Variants in RBMS3 observed in about 807,000 individuals in gnomAD.
The protein encoded by RBMS3 is RNA binding motif single stranded interacting protein 3.
In RBMS3, 27 loss-of-function variants were observed where a neutral mutation model predicts 66.8. That is an observed-to-expected ratio of 0.40 (90% CI 0.30 to 0.56). The LOEUF (loss-of-function observed/expected upper bound fraction) is 0.56, where lower values mean the gene tolerates loss of function less well. RBMS3 is among the 20% of genes least tolerant of loss of function. RBMS3 has a pLI of 0.40. For missense variants in RBMS3, 513 were observed against 549.5 expected, an observed-to-expected ratio of 0.93 and a Z score of 0.66; for synonymous variants, 188 against 183.0, an observed-to-expected ratio of 1.03 and a Z score of -0.22.
intron 6 of RBMS3, among the ~76,000 whole-genome samples, chr3:29,846,909 CT>C (rs1181409238): frequency 3.3e-5 from 5 of 152,026 alleles, no homozygotes; most frequent in African/African-American, 1.2e-4. Context: ...TTTTCTTCCC[CT>C]AATGAAATAA....
chr3:29,823,200 A>G (rs1012584690), intron 6 of RBMS3, among the ~76,000 whole-genome samples: 4 of 151,988 alleles, frequency 2.6e-5, no homozygotes, highest in African/African-American at 7.2e-5. Context: ...TATACCCCCC[A>G]CCCAATGACC....
chr3:29,360,686 C>A (rs2037527613), intron 1 of RBMS3, among the ~76,000 whole-genome samples: 1 of 151,934 alleles, frequency 6.6e-6, no homozygotes, highest in South Asian at 2.1e-4. Context: ...GAGTCTAAGT[C>A]TCTTTGTTGG....
chr3:29,492,374 A>G (rs182959612), intron 3 of RBMS3, among the ~76,000 whole-genome samples: 25 of 152,280 alleles, frequency 1.6e-4, no homozygotes, highest in Non-Finnish European at 1.5e-5. Flanking sequence ...ATAATTGTTC[A>G]TGATGACCAA....
intron 6 of RBMS3, among the ~76,000 whole-genome samples, chr3:29,843,086 T>A (rs1275630014): frequency 6.6e-6 from 1 of 152,222 alleles, no homozygotes; most frequent in Non-Finnish European, 1.5e-5. Flanking sequence ...GCCTCCAGAA[T>A]CAAGCATCTA....
At chr3:29,407,203 A>C (rs959788706) in intron 1 of RBMS3, among the ~76,000 whole-genome samples, 9 of 152,186 alleles carry the variant, frequency 5.9e-5, no homozygotes, top group African/African-American at 2.2e-4. Context: ...GGACTGTTCT[A>C]AAGTGGTTTA....
At chr3:29,995,134 C>T (rs1052584505) in intron 14 of RBMS3, among the ~76,000 whole-genome samples, 1 of 152,156 alleles carries the variant, frequency 6.6e-6, no homozygotes, top group African/African-American at 2.4e-5. Flanking sequence ...ATGCAGAAGC[C>T]TCAGGAGCCG....
At chr3:29,322,702 T>G (rs2035079417) in intron 1 of RBMS3, among the ~76,000 whole-genome samples, 2 of 152,020 alleles carry the variant, frequency 1.3e-5, no homozygotes, top group Admixed American at 1.3e-4. Flanking sequence ...CCTCACTATA[T>G]GCAAAGGATT....
intron 4 of RBMS3, among the ~76,000 whole-genome samples, chr3:29,668,441 C>T (rs60485717): frequency 6.6e-6 from 1 of 152,266 alleles, no homozygotes; most frequent in South Asian, 2.1e-4. Flanking sequence ...AAGCTAGCAG[C>T]TAAACTGGAA....
chr3:29,975,581 CTTG>C (rs1697530843), intron 12 of RBMS3, among the ~76,000 whole-genome samples: 2 of 151,670 alleles, frequency 1.3e-5, no homozygotes, highest in South Asian at 4.2e-4. Flanking sequence ...TTTTCATTGT[CTTG>C]TTTTTTAATA....
intron 14 of RBMS3, among the ~76,000 whole-genome samples, chr3:29,997,754 C>T (rs189206888): frequency 0.017 from 2,551 of 151,592 alleles, 30 homozygotes; most frequent in African/African-American, 0.032. Flanking sequence ...AATTAGGTAT[C>T]GATGGGACGT....
intron 6 of RBMS3, among the ~76,000 whole-genome samples, chr3:29,783,798 A>T (rs1318907362): frequency 1.3e-5 from 2 of 152,158 alleles, no homozygotes; most frequent in Non-Finnish European, 2.9e-5. Context: ...TGTCTTCAGG[A>T]GACTCATCTA....
chr3:29,329,916 A>G (rs2035558126), intron 1 of RBMS3, among the ~76,000 whole-genome samples: 1 of 148,120 alleles, frequency 6.8e-6, no homozygotes, highest in Non-Finnish European at 1.5e-5. Context: ...TAATATAACT[A>G]TAGAATTAAT....
chr3:29,530,180 G>A (rs746143832), intron 3 of RBMS3, among the ~76,000 whole-genome samples: 2 of 152,178 alleles, frequency 1.3e-5, no homozygotes, highest in Admixed American at 6.5e-5. Flanking sequence ...AGCCTTTTCC[G>A]TTTTAGGCTG....
chr3:29,863,801 A>G (rs1490402611), intron 6 of RBMS3, among the ~76,000 whole-genome samples: 1 of 152,124 alleles, frequency 6.6e-6, no homozygotes, highest in African/African-American at 2.4e-5. Flanking sequence ...CTCTTTATAT[A>G]TTTGATCCTT....
At chr3:29,808,440 A>G (rs945529985) in intron 6 of RBMS3, among the ~76,000 whole-genome samples, 1 of 152,022 alleles carries the variant, frequency 6.6e-6, no homozygotes, top group African/African-American at 2.4e-5. Flanking sequence ...CCAAGTGACA[A>G]ATGAAAAGGA....
chr3:29,851,252 C>G (rs1205719289), intron 6 of RBMS3, among the ~76,000 whole-genome samples: 1 of 152,216 alleles, frequency 6.6e-6, no homozygotes, highest in Non-Finnish European at 1.5e-5. Flanking sequence ...AGAATAATGC[C>G]TGGAACATAG....
chr3:29,576,467 CTCT>C (rs1370151315), intron 3 of RBMS3, among the ~76,000 whole-genome samples: 1 of 151,850 alleles, frequency 6.6e-6, no homozygotes, highest in East Asian at 2.0e-4. Context: ...CCAAGGCCCA[CTCT>C]AACCACTACC....
Position 29,488,441 on chromosome 3 carries a change from G to A in RBMS3, c.249G>A (p.Pro83=), listed in dbSNP as rs1360574024. Residue 83 remains proline, a splice_region_variant and synonymous_variant, in exon 3 of 15, where the codon CCG becomes CCA. Transcript: ENST00000383767. ...GTTTTTTTCTCTCTCTCTCTTTCAG[G>A]TATGGAAAAATTGTATCTACAAAGG... is the stretch of plus-strand genomic sequence containing the variant. ...TDQDLIKLCQ[P]YGKIVSTKAI... 1 of 1,603,952 alleles carries A rather than the reference G, an allele frequency of 6.2e-7. No homozygotes were observed. Among genetic ancestry groups the A allele is most frequent in the Admixed American group, 1.7e-5 (1 of 59,920 alleles).
At chr3:29,472,462 C>G (rs1368444150) in intron 2 of RBMS3, among the ~76,000 whole-genome samples, 3 of 152,286 alleles carry the variant, frequency 2.0e-5, no homozygotes, top group Non-Finnish European at 2.9e-5. Context: ...TCCCACAGTG[C>G]TAGTGTGTCC....
Sources: allele counts gnomAD v4.1 joint callset (sites outside exome capture counted in the v4.1 genomes callset), GRCh38; gene constraint gnomAD v4.1.1; transcripts MANE v1.5; gene names NCBI Gene and HGNC (gene_info 2026-07-23, HGNC 2026-07-21).